The following NDRG1 variants were observed in gnomAD, a reference collection of about 807,000 sequenced individuals.
NDRG1 encodes protein NDRG1.
A neutral mutation model predicts 56.9 loss-of-function variants in NDRG1; 32 were observed. That is an observed-to-expected ratio of 0.56 (90% CI 0.42 to 0.76). The LOEUF is 0.76. Among genes scored for constraint, NDRG1 ranks in the 30% least tolerant of loss-of-function variants. The pLI is 0.00. For missense variants in NDRG1, 507 were observed against 545.7 expected, an observed-to-expected ratio of 0.93 and a Z score of 0.71; for synonymous variants, 211 against 204.1, an observed-to-expected ratio of 1.03 and a Z score of -0.29.
At chr8:133,250,055 C>A (rs1855925990) in intron 10 of NDRG1, among the ~76,000 whole-genome samples, 1 of 152,250 alleles carries the variant, frequency 6.6e-6, no homozygotes, top group Non-Finnish European at 1.5e-5. Context: ...CTCCCAGAAG[C>A]CTGCCTGGAT....
intron 5 of NDRG1, among the ~76,000 whole-genome samples, chr8:133,260,707 T>G (rs1198971031): frequency 6.6e-6 from 1 of 152,246 alleles, no homozygotes; most frequent in Non-Finnish European, 1.5e-5. Flanking sequence ...CCCATACGGT[T>G]GGCTGTCCCT....
At chr8:133,289,566 C>T (rs1263071028) in intron 1 of NDRG1, among the ~76,000 whole-genome samples, 1 of 152,182 alleles carries the variant, frequency 6.6e-6, no homozygotes, top group Non-Finnish European at 1.5e-5. Flanking sequence ...AGGGGCTACA[C>T]AAATACCCTT....
chr8:133,282,931 C>A (rs72731583), intron 2 of NDRG1, among the ~76,000 whole-genome samples: 1 of 152,328 alleles, frequency 6.6e-6, no homozygotes, highest in African/African-American at 2.4e-5. Flanking sequence ...TGACCAATCC[C>A]CTTCCTGTCT....
At chr8:133,246,809 A>G in intron 12 of NDRG1, 146 bp from the exon 13 acceptor site, 1 of 784,730 alleles carries the variant, frequency 1.3e-6, no homozygotes, top group Non-Finnish European at 2.2e-6. Flanking sequence ...ATTGGGATTC[A>G]GCAGATGTGG....
At chr8:133,248,829 C>T (rs1188705851) in intron 10 of NDRG1, 58 bp from the exon 11 acceptor site, 1 of 1,600,248 alleles carries the variant, frequency 6.2e-7, no homozygotes, top group South Asian at 1.1e-5. Context: ...AAATCTCCCA[C>T]TCCCATCCAG....
chr8:133,295,430 T>C (rs1488121751), intron 1 of NDRG1, among the ~76,000 whole-genome samples: 2 of 152,280 alleles, frequency 1.3e-5, no homozygotes, highest in Middle Eastern at 3.4e-3. Flanking sequence ...TCTCTCTCCC[T>C]TACACCTTCC....
rs773403171 is a variant in NDRG1 at position 133,242,238 on chromosome 8, T to C, written c.892-164A>G. ...ACACAAAAGTAAGAGTATGGGACAATGATGGGAAATTCACCCCACAGCTGT... is the reference window on the plus strand; with the variant it reads ...ACACAAAAGTAAGAGTATGGGACAACGATGGGAAATTCACCCCACAGCTGT... On this transcript the variant is annotated intron_variant, in intron 14 of 15. Transcript: ENST00000323851. Among the ~76,000 whole-genome samples the C allele has an allele frequency of 2.6e-5, 4 of 152,098 alleles. No individual in the cohort carries two copies. In the East Asian group the frequency reaches 7.7e-4, roughly 29 times the overall value.
At chr8:133,244,244 G>A (rs1235955296) in intron 14 of NDRG1, 111 bp downstream of exon 14, 4 of 1,343,822 alleles carry the variant, frequency 3.0e-6, no homozygotes, top group African/African-American at 1.4e-5. Flanking sequence ...TCCACAAACT[G>A]TCATCCGATG....
intron 1 of NDRG1, 132 bp from the exon 2 acceptor site, chr8:133,284,461 CT>C (rs1857989163): frequency 1.3e-6 from 1 of 760,472 alleles, no homozygotes; most frequent in East Asian, 2.6e-5. Flanking sequence ...TCGTGATGCA[CT>C]GCAGGGGATG....
At chr8:133,275,869 T>C (rs372930674) in intron 3 of NDRG1, among the ~76,000 whole-genome samples, 13 of 152,296 alleles carry the variant, frequency 8.5e-5, no homozygotes, top group African/African-American at 9.6e-5. Context: ...TGGGGCACAT[T>C]TGGCATGCTG....
chr8:133,256,855 G>T lies in NDRG1; in HGVS notation c.459C>A (p.Asn153Lys). The T allele has an allele frequency of 1.2e-6, 2 of 1,614,098 alleles. No homozygotes were observed. The highest frequency in any genetic ancestry group is 1.7e-6 in the Non-Finnish European group (2 of 1,180,000). ...GGACAAGGCCCTCCACCATCTCAGG[G>T]TTGTTTAGCTGCAATTCAAGACACA... ...AYILTRFALN[N>K]PEMVEGLVLI... Residue 153 changes from asparagine to lysine, a missense_variant, in exon 8 of 16, where the codon AAC (asparagine) becomes AAA (lysine). Asn to Lys is a moderately conservative substitution (Grantham distance 94). Transcript: ENST00000323851.
At chr8:133,255,156 T>G (rs1856298645) in intron 8 of NDRG1, 2 of 380,226 alleles carry the variant, frequency 5.3e-6, no homozygotes, top group Non-Finnish European at 1.0e-5. Context: ...CATAAATGTG[T>G]GCTGACCTAA....
chr8:133,269,215 T>C (rs1256474113), intron 3 of NDRG1, among the ~76,000 whole-genome samples: 1 of 152,128 alleles, frequency 6.6e-6, no homozygotes, highest in African/African-American at 2.4e-5. Context: ...ACCCCCCAAC[T>C]TCTGGCTGGG....
chr8:133,284,636 C>T (rs376387733), intron 1 of NDRG1: 68 of 474,530 alleles, frequency 1.4e-4, no homozygotes, highest in African/African-American at 1.0e-3. Flanking sequence ...AGTTCAGGCC[C>T]ACCCACCATA....
rs1855695820 is a variant in NDRG1, at chr8:133,246,618, T to C, written c.853A>G (p.Lys285Glu). The C allele has an allele frequency of 6.2e-7, 1 of 1,614,008 alleles. No homozygotes were observed. Reference protein sequence around the residue: ...KLDPTKTTLLKMADCGGLPQI... With the variant: ...KLDPTKTTLLEMADCGGLPQI... ...AACCCCCACTGTTTTCCCTGTACCT[T>C]GAGGAGAGTGGTCTTTGTTGGGTCC... The change falls in exon 13 of 16, where the codon AAG (lysine) becomes GAG (glutamate). Residue 285 changes from lysine to glutamate, a missense_variant and splice_region_variant. Physicochemically the swap from Lys to Glu is moderately conservative, Grantham distance 56. Coordinates refer to ENST00000323851, the MANE Select transcript of NDRG1 (RefSeq NM_006096.4).
At chr8:133,259,713 G>A (rs1308513191) in intron 5 of NDRG1, among the ~76,000 whole-genome samples, 2 of 152,254 alleles carry the variant, frequency 1.3e-5, no homozygotes, top group African/African-American at 2.4e-5. Context: ...CCGCAAAGCA[G>A]TGATTGATCC....
At chr8:133,272,347 G>A (rs777670596) in intron 3 of NDRG1, among the ~76,000 whole-genome samples, 14 of 152,216 alleles carry the variant, frequency 9.2e-5, no homozygotes, top group Non-Finnish European at 1.8e-4. Flanking sequence ...AGGGGAGGGC[G>A]ACAAAGACCT....
chr8:133,272,467 G>A (rs1291290384), intron 3 of NDRG1, among the ~76,000 whole-genome samples: 1 of 152,188 alleles, frequency 6.6e-6, no homozygotes, highest in Admixed American at 6.5e-5. Context: ...GAGGTCAAGC[G>A]AGTGGCCAAG....
chr8:133,296,843 T>C (rs1858804610), intron 1 of NDRG1: 1 of 242,440 alleles, frequency 4.1e-6, no homozygotes, highest in Non-Finnish European at 8.6e-6. Flanking sequence ...TCGGACCGTC[T>C]CATCGCCCCC....
Sources: gnomAD v4.1 joint callset for allele counts (sites outside exome capture counted in the v4.1 genomes callset) on GRCh38, gnomAD v4.1.1 for gene constraint, MANE v1.5 for transcripts, NCBI Gene and HGNC (gene_info 2026-07-23, HGNC 2026-07-21) for gene names.